Variants in ARHGAP24 observed in about 807,000 individuals in gnomAD.
ARHGAP24 encodes the protein Rho GTPase activating protein 24.
A neutral mutation model predicts 76.4 loss-of-function variants in ARHGAP24; 50 were observed. The observed-to-expected ratio is 0.65, with a 90% CI of 0.52 to 0.83. The LOEUF (loss-of-function observed/expected upper bound fraction) is 0.83, where lower values mean the gene tolerates loss of function less well. ARHGAP24 is among the 40% of genes least tolerant of loss of function. The pLI, the probability that ARHGAP24 is intolerant of heterozygous loss-of-function variation, is 0.00. For synonymous variants in ARHGAP24, 345 were observed against 323.3 expected, an observed-to-expected ratio of 1.07 and a Z score of -0.72; for missense variants, 930 against 914.2, an observed-to-expected ratio of 1.02 and a Z score of -0.22.
intron 3 of ARHGAP24, among the ~76,000 whole-genome samples, chr4:85,861,779 A>G (rs1410483493): frequency 6.6e-6 from 1 of 152,076 alleles, no homozygotes; most frequent in African/African-American, 2.4e-5. Context: ...TTACTGAAGT[A>G]ATCTCCTGAA....
chr4:85,648,937 A>G (rs1226536277), intron 2 of ARHGAP24, among the ~76,000 whole-genome samples: 1 of 152,060 alleles, frequency 6.6e-6, no homozygotes, highest in Admixed American at 6.6e-5. Context: ...ACAGAAATTA[A>G]CTTTCTGAAA....
At chr4:85,863,763 G>A (rs546174546) in intron 3 of ARHGAP24, among the ~76,000 whole-genome samples, 22 of 152,150 alleles carry the variant, frequency 1.4e-4, no homozygotes, top group Non-Finnish European at 2.6e-4. Flanking sequence ...GTATAAACCC[G>A]GCGTTTGTTG....
chr4:85,720,165 A>G (rs1164986364), intron 2 of ARHGAP24, among the ~76,000 whole-genome samples: 2 of 152,134 alleles, frequency 1.3e-5, no homozygotes, highest in Non-Finnish European at 2.9e-5. Context: ...CCTAATGTAA[A>G]TGACAAGTTA....
At chr4:85,863,334 A>G (rs944183600) in intron 3 of ARHGAP24, among the ~76,000 whole-genome samples, 4 of 152,116 alleles carry the variant, frequency 2.6e-5, no homozygotes, top group South Asian at 2.1e-4. Context: ...ATTATTTTCT[A>G]TCACAGAACC....
At chr4:85,858,036 C>A (rs891762264) in intron 3 of ARHGAP24, among the ~76,000 whole-genome samples, 1 of 152,110 alleles carries the variant, frequency 6.6e-6, no homozygotes, top group African/African-American at 2.4e-5. Flanking sequence ...TTAAACTTTT[C>A]TTTAATACCT....
chr4:85,852,633 A>G (rs1284332168), intron 3 of ARHGAP24, among the ~76,000 whole-genome samples: 5 of 152,014 alleles, frequency 3.3e-5, no homozygotes, highest in African/African-American at 1.2e-4. Flanking sequence ...AGATGGGGTT[A>G]TTGGTGTGGA....
chr4:85,625,019 A>G (rs1367666645), intron 2 of ARHGAP24, among the ~76,000 whole-genome samples: 1 of 152,138 alleles, frequency 6.6e-6, no homozygotes, highest in Non-Finnish European at 1.5e-5. Flanking sequence ...TTTTCAAAAA[A>G]CCAGCTCCTG....
At chr4:85,727,592 G>A (rs41527748) in intron 3 of ARHGAP24, among the ~76,000 whole-genome samples, 49,179 of 151,926 alleles carry the variant, frequency 0.32, 9,579 homozygotes, top group East Asian at 0.91. Context: ...AACTGTCAAC[G>A]CTCTGGGATC....
intron 6 of ARHGAP24, among the ~76,000 whole-genome samples, chr4:85,973,754 T>A (rs1431996177): frequency 6.6e-6 from 1 of 151,718 alleles, no homozygotes; most frequent in Non-Finnish European, 1.5e-5. Context: ...TATACAATTG[T>A]CCCAGCACTG....
chr4:85,809,338 A>C (rs1242244745), intron 3 of ARHGAP24, among the ~76,000 whole-genome samples: 4 of 152,180 alleles, frequency 2.6e-5, no homozygotes, highest in African/African-American at 9.7e-5. Flanking sequence ...TATTGTAAAA[A>C]TTAAGAAAAG....
chr4:85,759,697 T>G (rs902998912), intron 3 of ARHGAP24, among the ~76,000 whole-genome samples: 2 of 152,064 alleles, frequency 1.3e-5, no homozygotes, highest in African/African-American at 4.8e-5. Flanking sequence ...CTGGGGAAAT[T>G]AGGCTGTGTA....
At position 85,691,882 on chromosome 4, in the gene ARHGAP24, G is replaced by A. The variant is rs556321313; in HGVS notation, c.181-30003G>A. 3.3e-5 allele frequency among the ~76,000 whole-genome samples: 5 copies of A among 152,284 alleles called. No homozygotes were observed. The South Asian group carries it at 8.3e-4, about 25-fold the overall frequency. Reference sequence around the variant, plus strand: ...TGTAAAGTTTTGATCCTGTCACCATGTTGTTAGCTGGTTGATTGTAGAGTT... The same window carrying A: ...TGTAAAGTTTTGATCCTGTCACCATATTGTTAGCTGGTTGATTGTAGAGTT... On this transcript the variant is annotated intron_variant, in intron 2 of 9. Coordinates refer to ENST00000395184, the MANE Select transcript of ARHGAP24 (RefSeq NM_001025616.3).
intron 3 of ARHGAP24, among the ~76,000 whole-genome samples, chr4:85,791,800 G>C (rs952466016): frequency 1.8e-4 from 27 of 152,162 alleles, no homozygotes; most frequent in Admixed American, 1.3e-4. Context: ...CCTATCTTGA[G>C]TAGTACAAAT....
At chr4:85,607,712 G>A (rs1720246106) in intron 2 of ARHGAP24, among the ~76,000 whole-genome samples, 1 of 125,538 alleles carries the variant, frequency 8.0e-6, no homozygotes, top group Admixed American at 8.5e-5. Flanking sequence ...AACTTGGCAC[G>A]GCGTAGCTAT....
intron 1 of ARHGAP24, among the ~76,000 whole-genome samples, chr4:85,493,564 T>C (rs1723443413): frequency 6.6e-6 from 1 of 152,204 alleles, no homozygotes; most frequent in African/African-American, 2.4e-5. Context: ...CATTTGACCA[T>C]TGGAAGCCCT....
intron 1 of ARHGAP24, among the ~76,000 whole-genome samples, chr4:85,514,495 A>G (rs1724409097): frequency 6.6e-6 from 1 of 152,048 alleles, no homozygotes. Context: ...CATTTTGTAT[A>G]TTTAATAAAT....
chr4:85,560,651 G>A (rs986140011), intron 1 of ARHGAP24, among the ~76,000 whole-genome samples: 1 of 152,090 alleles, frequency 6.6e-6, no homozygotes, highest in Non-Finnish European at 1.5e-5. Context: ...TATATTCGTG[G>A]CTGTTGTGCT....
intron 3 of ARHGAP24, among the ~76,000 whole-genome samples, chr4:85,863,710 C>A (rs1239341936): frequency 1.3e-5 from 2 of 152,026 alleles, no homozygotes; most frequent in Non-Finnish European, 2.9e-5. Context: ...AAAGGGGAAC[C>A]TTGAATTGTC....
At chr4:85,889,336 C>A (rs1211429095) in intron 3 of ARHGAP24, among the ~76,000 whole-genome samples, 1 of 152,118 alleles carries the variant, frequency 6.6e-6, no homozygotes, top group Non-Finnish European at 1.5e-5. Flanking sequence ...ACATGTGTCA[C>A]CTGTTAGTAA....
Sources: allele counts gnomAD v4.1 joint callset (sites outside exome capture counted in the v4.1 genomes callset), GRCh38; gene constraint gnomAD v4.1.1; transcripts MANE v1.5; gene names NCBI Gene and HGNC (gene_info 2026-07-23, HGNC 2026-07-21).